Variants in UNC5D observed in about 807,000 individuals in gnomAD.
UNC5D encodes the protein unc-5 netrin receptor D.
A neutral mutation model predicts 105.4 loss-of-function variants in UNC5D; 39 were observed. The ratio of observed to expected loss-of-function variants is 0.37; its 90% confidence interval spans 0.29 to 0.48. UNC5D has a LOEUF of 0.48. Among genes scored for constraint, UNC5D ranks in the 20% least tolerant of loss-of-function variants. The pLI is 0.98. For synonymous variants in UNC5D, 452 were observed against 450.4 expected, an observed-to-expected ratio of 1.00 and a Z score of -0.04; for missense variants, 991 against 1,202.4, an observed-to-expected ratio of 0.82 and a Z score of 2.60.
At position 35,790,442 on chromosome 8, in the gene UNC5D, A is replaced by G. The variant is rs143876791; in HGVS notation, c.2741A>G (p.Asp914Gly). Residue 914 changes from aspartate (D) to glycine (G), a missense_variant, in exon 17 of 17, where the codon GAT becomes GGT. By Grantham distance (94) the Asp-to-Gly change is moderately conservative. Coordinates refer to ENST00000404895, the MANE Select transcript of UNC5D (RefSeq NM_080872.4). ...GAAGCTCGTCATCAGCATGATGGTG[A>G]TCTTGACTCCCTGGCCTGTGCCCTT... is the stretch of plus-strand genomic sequence containing the variant. Reference protein sequence around the residue: ...LWEARHQHDGDLDSLACALEE... With the variant: ...LWEARHQHDGGLDSLACALEE... 1,693 of 1,613,944 alleles carry G rather than the reference A, an allele frequency of 1.0e-3. 3 individuals carry two copies. Among genetic ancestry groups the G allele is most frequent in the Non-Finnish European group, 1.3e-3 (1,512 of 1,179,888 alleles).
At chr8:35,611,342 G>A (rs964370457) in intron 4 of UNC5D, among the ~76,000 whole-genome samples, 10 of 152,210 alleles carry the variant, frequency 6.6e-5, no homozygotes, top group African/African-American at 1.4e-4. Flanking sequence ...AAAAAGCTTC[G>A]TGGCCCCATC....
chr8:35,554,716 G>A (rs959935298), intron 2 of UNC5D, among the ~76,000 whole-genome samples: 9 of 152,270 alleles, frequency 5.9e-5, no homozygotes, highest in Non-Finnish European at 1.3e-4. Flanking sequence ...AATAAAAATA[G>A]GAATTCTCTT....
At chr8:35,544,463 G>A (rs1563519535) in intron 1 of UNC5D, 1 of 1,613,896 alleles carries the variant, frequency 6.2e-7, no homozygotes, top group Non-Finnish European at 8.5e-7. Context: ...CCTGGTGTTA[G>A]TTAAAGCTCT....
At chr8:35,504,436 TAGATAC>T (rs1280426303) in intron 1 of UNC5D, among the ~76,000 whole-genome samples, 1 of 152,218 alleles carries the variant, frequency 6.6e-6, no homozygotes, top group Non-Finnish European at 1.5e-5. Context: ...CCAGAAGTAT[TAGATAC>T]AGCCTTCTTA....
chr8:35,740,040 T>C (rs1467278813), intron 11 of UNC5D, among the ~76,000 whole-genome samples: 2 of 152,138 alleles, frequency 1.3e-5, no homozygotes, highest in Non-Finnish European at 2.9e-5. Flanking sequence ...ACTGAAACAA[T>C]GAAGATAGCC....
At chr8:35,781,609 T>G (rs1654988590) in intron 16 of UNC5D, among the ~76,000 whole-genome samples, 1 of 152,236 alleles carries the variant, frequency 6.6e-6, no homozygotes, top group Non-Finnish European at 1.5e-5. Flanking sequence ...TAAGGATGTT[T>G]ACATAATTTG....
chr8:35,482,270 T>C (rs1398208118), intron 1 of UNC5D, among the ~76,000 whole-genome samples: 1 of 152,204 alleles, frequency 6.6e-6, no homozygotes, highest in African/African-American at 2.4e-5. Flanking sequence ...GTAATGCTCA[T>C]AAAGCATTTT....
chr8:35,610,544 T>C (rs1052228988), intron 4 of UNC5D, among the ~76,000 whole-genome samples: 2 of 152,158 alleles, frequency 1.3e-5, no homozygotes, highest in African/African-American at 4.8e-5. Context: ...GGACAGGACA[T>C]CACTCTGTCC....
At chr8:35,463,863 C>A (rs1479959946) in intron 1 of UNC5D, among the ~76,000 whole-genome samples, 2 of 151,570 alleles carry the variant, frequency 1.3e-5, no homozygotes, top group East Asian at 3.9e-4. Context: ...TAGAGTAGTG[C>A]CTGGATATTA....
At chr8:35,526,178 T>C (rs1340463963) in intron 1 of UNC5D, among the ~76,000 whole-genome samples, 2 of 152,220 alleles carry the variant, frequency 1.3e-5, no homozygotes, top group Non-Finnish European at 2.9e-5. Context: ...ATCTGGTGTT[T>C]TCTACTTTCT....
At chr8:35,494,608 T>C (rs1811431505) in intron 1 of UNC5D, among the ~76,000 whole-genome samples, 1 of 152,222 alleles carries the variant, frequency 6.6e-6, no homozygotes, top group Admixed American at 6.5e-5. Context: ...CCCATTCAAC[T>C]ACTTGCTATT....
chr8:35,653,683 G>A (rs754731089), intron 4 of UNC5D, among the ~76,000 whole-genome samples: 8 of 152,224 alleles, frequency 5.3e-5, no homozygotes, highest in Non-Finnish European at 1.0e-4. Flanking sequence ...TAGTTCTAAA[G>A]TGGAAGATAG....
intron 1 of UNC5D, among the ~76,000 whole-genome samples, chr8:35,423,504 C>A (rs1402353651): frequency 1.3e-5 from 2 of 152,162 alleles, no homozygotes; most frequent in Non-Finnish European, 2.9e-5. Context: ...GTAGCTAATT[C>A]TATTTTTCTC....
At chr8:35,302,619 A>T (rs1211151184) in intron 1 of UNC5D, among the ~76,000 whole-genome samples, 1 of 152,204 alleles carries the variant, frequency 6.6e-6, no homozygotes, top group Admixed American at 6.5e-5. Flanking sequence ...AAAATGAGTT[A>T]AATTTCTTTT....
chr8:35,739,751 G>C (rs1181622647), intron 11 of UNC5D, among the ~76,000 whole-genome samples: 1 of 152,086 alleles, frequency 6.6e-6, no homozygotes, highest in East Asian at 1.9e-4. Flanking sequence ...GCTGGAAGTA[G>C]AAATAACCTG....
chr8:35,501,500 G>T (rs145525695), intron 1 of UNC5D, among the ~76,000 whole-genome samples: 54 of 152,326 alleles, frequency 3.5e-4, no homozygotes, highest in African/African-American at 1.3e-3. Context: ...GGAGGGAAAT[G>T]CCTCTCAAGT....
In UNC5D at chr8:35,767,030, T is replaced by C. The variant is rs747221477; in HGVS notation, c.2442T>C (p.His814=). Residue 814 remains histidine, a synonymous_variant, in exon 15 of 17, where the codon CAT becomes CAC. Transcript: ENST00000404895. The part of the protein sequence containing the change: ...CKICIRQLKG[H]EQILQVQTSI... ...TCTGCATTCGGCAGCTCAAAGGCCATGAACAGATCCTCCAAGTGCAGACAT... is the reference window on the plus strand; with the variant it reads ...TCTGCATTCGGCAGCTCAAAGGCCACGAACAGATCCTCCAAGTGCAGACAT... 4 of 1,613,922 alleles carry C rather than the reference T, an allele frequency of 2.5e-6. No individual in the cohort carries two copies. The highest frequency in any genetic ancestry group is 2.5e-6 in the Non-Finnish European group (3 of 1,179,900).
At chr8:35,430,193 G>C (rs1200811490) in intron 1 of UNC5D, among the ~76,000 whole-genome samples, 3 of 151,986 alleles carry the variant, frequency 2.0e-5, no homozygotes, top group Non-Finnish European at 4.4e-5. Context: ...GCTTCTCCTT[G>C]GTTATGTTGA....
At chr8:35,676,546 C>G (rs911378232) in intron 4 of UNC5D, among the ~76,000 whole-genome samples, 1 of 152,174 alleles carries the variant, frequency 6.6e-6, no homozygotes, top group Non-Finnish European at 1.5e-5. Context: ...ATTTGAAAAT[C>G]TGTATTGCTT....
Sources: allele counts gnomAD v4.1 joint callset (sites outside exome capture counted in the v4.1 genomes callset), GRCh38; gene constraint gnomAD v4.1.1; transcripts MANE v1.5; gene names NCBI Gene and HGNC (gene_info 2026-07-23, HGNC 2026-07-21).